The following CCDC33 variants were observed in gnomAD, a reference collection of about 807,000 sequenced individuals.
The protein encoded by CCDC33 is coiled-coil domain-containing protein 33.
Under a neutral mutation model 91.9 loss-of-function variants are expected in CCDC33, and 94 were observed. That is an observed-to-expected ratio of 1.02 (90% CI 0.87 to 1.21). CCDC33 has a LOEUF of 1.21. CCDC33 is among the 50% of genes most tolerant of loss of function. The probability of loss-of-function intolerance (pLI) is 0.00; values close to 1 mark genes in which losing one functional copy is unlikely to be tolerated. For missense variants in CCDC33, 940 were observed against 935.5 expected, an observed-to-expected ratio of 1.00 and a Z score of -0.06; for synonymous variants, 396 against 374.5, an observed-to-expected ratio of 1.06 and a Z score of -0.66.
At chr15:74,305,918 T>C (rs1158967339) in intron 11 of CCDC33, among the ~76,000 whole-genome samples, 1 of 151,978 alleles carries the variant, frequency 6.6e-6, no homozygotes, top group Admixed American at 6.6e-5. Flanking sequence ...CATTGTTAAG[T>C]AGAGGAAATA....
rs758909678 is a variant in CCDC33 at position 74,271,804 on chromosome 15, G to A, written c.638+10G>A. ...ACTACAAGGAATTTAAGTGAGTGGGGCCCAGGTGGACCTGGGTGAGGAGGG... is the reference window on the plus strand; with the variant it reads ...ACTACAAGGAATTTAAGTGAGTGGGACCCAGGTGGACCTGGGTGAGGAGGG... On this transcript the variant is annotated intron_variant, in intron 6 of 18. Transcript: ENST00000398814. The A allele has an allele frequency of 2.5e-6, 4 of 1,611,500 alleles. No homozygotes were observed. In the Admixed American group the frequency reaches 6.7e-5, roughly 27 times the overall value.
chr15:74,309,576 G>C (rs2059953535), intron 11 of CCDC33, among the ~76,000 whole-genome samples: 1 of 152,170 alleles, frequency 6.6e-6, no homozygotes. Context: ...ACAGTGCCTG[G>C]AGCGGCTTCT....
At chr15:74,251,093 C>T (rs1462644007) in intron 2 of CCDC33, among the ~76,000 whole-genome samples, 1 of 152,274 alleles carries the variant, frequency 6.6e-6, no homozygotes, top group African/African-American at 2.4e-5. Context: ...GAGCCTCAGT[C>T]TTCCCATGGC....
intron 10 of CCDC33, among the ~76,000 whole-genome samples, chr15:74,286,492 G>A (rs544761578): frequency 2.6e-5 from 4 of 152,256 alleles, no homozygotes; most frequent in African/African-American, 9.6e-5. Context: ...CCTCTTTGAA[G>A]TGAGGCCCAC....
At chr15:74,266,270 A>G (rs1170170453) in intron 3 of CCDC33, among the ~76,000 whole-genome samples, 2 of 152,176 alleles carry the variant, frequency 1.3e-5, no homozygotes, top group Non-Finnish European at 2.9e-5. Flanking sequence ...AAGAGCTGGC[A>G]TAAGTGTTTG....
chr15:74,203,816 G>T (rs2074185549), intron 1 of CCDC33, among the ~76,000 whole-genome samples: 1 of 152,086 alleles, frequency 6.6e-6, no homozygotes, highest in African/African-American at 2.4e-5. Flanking sequence ...ATTTGGGGAT[G>T]GGGGGAGATT....
intron 1 of CCDC33, among the ~76,000 whole-genome samples, chr15:74,206,130 C>T (rs936924261): frequency 1.3e-5 from 2 of 152,206 alleles, no homozygotes; most frequent in South Asian, 4.1e-4. Flanking sequence ...GCCCCCGTCC[C>T]TGCACACCAG....
intron 2 of CCDC33, among the ~76,000 whole-genome samples, chr15:74,250,572 G>A (rs148302070): frequency 1.9e-3 from 296 of 152,162 alleles, no homozygotes; most frequent in Middle Eastern, 0.014. Flanking sequence ...GTTTTCATGC[G>A]ACTCTGTACC....
At chr15:74,313,824 T>C (rs907839728) in intron 11 of CCDC33, among the ~76,000 whole-genome samples, 1 of 152,144 alleles carries the variant, frequency 6.6e-6, no homozygotes, top group Non-Finnish European at 1.5e-5. Flanking sequence ...GTCACAAGCA[T>C]GCTTGGTGCC....
At chr15:74,233,168 C>T (rs1367053627), upstream of CCDC33, among the ~76,000 whole-genome samples, 1 of 152,234 alleles carries the variant, frequency 6.6e-6, no homozygotes, top group Non-Finnish European at 1.5e-5. Context: ...TCCTGGTCCA[C>T]AGCAACACCT....
At position 74,331,198 on chromosome 15, in the gene CCDC33, T is replaced by G; in HGVS notation, c.1678-5T>G. Reference sequence around the variant, plus strand: ...GGCCAGCCCAGCCTCTGCTCTGCTCTCCAGGTGATCGAGAAGATGGAGCGG... The same window carrying G: ...GGCCAGCCCAGCCTCTGCTCTGCTCGCCAGGTGATCGAGAAGATGGAGCGG... On this transcript the variant is annotated splice_polypyrimidine_tract_variant and splice_region_variant and intron_variant, in intron 14 of 18. Coordinates refer to ENST00000398814, the MANE Select transcript of CCDC33 (RefSeq NM_025055.5). 1 of 1,614,130 alleles carries G rather than the reference T, an allele frequency of 6.2e-7. No homozygotes were observed. The highest frequency in any genetic ancestry group is 8.5e-7 in the Non-Finnish European group (1 of 1,179,996).
At chr15:74,310,466 G>C (rs936647983) in intron 11 of CCDC33, among the ~76,000 whole-genome samples, 1 of 150,450 alleles carries the variant, frequency 6.6e-6, no homozygotes, top group African/African-American at 2.5e-5. Flanking sequence ...GAACCCAGGA[G>C]ACAGAGGTTG....
At chr15:74,237,573 T>C (rs539030469) in intron 1 of CCDC33, among the ~76,000 whole-genome samples, 8 of 152,256 alleles carry the variant, frequency 5.3e-5, no homozygotes, top group African/African-American at 1.9e-4. Context: ...TTACTCTTGA[T>C]TTTGATGTCT....
In CCDC33 at chr15:74,244,230, C is replaced by T; in HGVS notation, c.185+82C>T. On this transcript the variant is annotated intron_variant, in intron 2 of 18. Transcript: ENST00000398814. The surrounding 1 kb of genome is among the most constrained non-coding windows in gnomAD (Gnocchi z 4.2). ...AGGGGACAGCTATTTGGAATACTAG[C>T]ACCCAAAGGCCCAGGACTGGGACTG... 1 of 1,513,058 alleles carries T rather than the reference C, an allele frequency of 6.6e-7. No individual in the cohort carries two copies. Among genetic ancestry groups the T allele is most frequent in the Non-Finnish European group, 8.9e-7 (1 of 1,120,922 alleles). 93.7% of individuals were successfully genotyped at this position (1,513,058 alleles called of 1,614,324 possible).
rs2075470975 is a variant in CCDC33, at chr15:74,244,889, A to C, written c.185+741A>C. Among the ~76,000 whole-genome samples the C allele has an allele frequency of 6.6e-6, 1 of 152,082 alleles. No homozygotes were observed. The highest frequency in any genetic ancestry group is 2.4e-5 in the African/African-American group (1 of 41,410). ...AGACCTTCTATAGACAGACGGCGGGAGCCTTGGTGGCCTCCCACCAAGCCA... is the reference window on the plus strand; with the variant it reads ...AGACCTTCTATAGACAGACGGCGGGCGCCTTGGTGGCCTCCCACCAAGCCA... On this transcript the variant is annotated intron_variant, in intron 2 of 18. Coordinates refer to ENST00000398814, the MANE Select transcript of CCDC33 (RefSeq NM_025055.5). The surrounding 1 kb of genome is among the most constrained non-coding windows in gnomAD (Gnocchi z 4.2).
intron 1 of CCDC33, chr15:74,217,730 G>C: frequency 3.5e-6 from 2 of 577,438 alleles, no homozygotes; most frequent in Non-Finnish European, 4.9e-6. Flanking sequence ...GTGTGACCTT[G>C]GGCAAATTCT....
chr15:74,230,253 G>T (rs2074928176), intron 2 of CCDC33, among the ~76,000 whole-genome samples: 2 of 152,090 alleles, frequency 1.3e-5, no homozygotes, highest in African/African-American at 4.8e-5. Context: ...AAGAGTTGGG[G>T]TGAGGGGACA....
chr15:74,335,811 A>C (rs1172620894), intron 18 of CCDC33, 114 bp from the exon 19 acceptor site: 3 of 799,062 alleles, frequency 3.8e-6, no homozygotes, highest in African/African-American at 3.4e-5. Flanking sequence ...TTGCCAGGTC[A>C]TGGCCCACTG....
chr15:74,285,065 A>G (rs962589084), intron 10 of CCDC33, among the ~76,000 whole-genome samples: 5 of 152,262 alleles, frequency 3.3e-5, no homozygotes, highest in South Asian at 4.1e-4. Flanking sequence ...CACATGGTCA[A>G]CAACTCCATC....
Sources: gnomAD v4.1 joint callset for allele counts (sites outside exome capture counted in the v4.1 genomes callset) on GRCh38, gnomAD v4.1.1 for gene constraint, Gnocchi (gnomAD v3.1) non-coding constraint, MANE v1.5 for transcripts, NCBI Gene and HGNC (gene_info 2026-07-23, HGNC 2026-07-21) for gene names.